ATP8A2: variants seen among roughly 807,000 people sequenced by gnomAD.
The protein encoded by ATP8A2 is ATPase phospholipid transporting 8A2.
Under a neutral mutation model 165.6 loss-of-function variants are expected in ATP8A2, and 100 were observed. That is an observed-to-expected ratio of 0.60 (90% CI 0.51 to 0.71). The LOEUF is 0.71. Ranked by LOEUF, ATP8A2 falls within the 30% of genes least tolerant of loss-of-function variation. ATP8A2 has a pLI of 0.00. For missense variants in ATP8A2, 1,227 were observed against 1,479.5 expected (o/e 0.83, Z 2.80); for synonymous variants, 543 against 548.8 (o/e 0.99, Z 0.15).
intron 28 of ATP8A2, among the ~76,000 whole-genome samples, chr13:25,834,494 A>G (rs777154352): frequency 1.3e-5 from 2 of 152,234 alleles, no homozygotes; most frequent in African/African-American, 2.4e-5. Context: ...AACTGGAAAG[A>G]AAATGAATGT....
chr13:25,523,914 T>C (rs1457175911), intron 2 of ATP8A2, among the ~76,000 whole-genome samples: 1 of 152,104 alleles, frequency 6.6e-6, no homozygotes, highest in Non-Finnish European at 1.5e-5. Flanking sequence ...GTTTCATTTG[T>C]TCTTGTTTTT....
intron 33 of ATP8A2, among the ~76,000 whole-genome samples, chr13:25,929,127 C>T (rs1954693663): frequency 6.6e-6 from 1 of 152,222 alleles, no homozygotes; most frequent in Admixed American, 6.5e-5. Context: ...CCTACCACTT[C>T]CCACTGAGGA....
chr13:26,004,781 G>T (rs1956707601), intron 35 of ATP8A2, among the ~76,000 whole-genome samples: 1 of 151,898 alleles, frequency 6.6e-6, no homozygotes, highest in African/African-American at 2.4e-5. Context: ...TTTTGTTAAT[G>T]TAGTGTTTAT....
intron 33 of ATP8A2, among the ~76,000 whole-genome samples, chr13:25,872,495 C>G (rs1952705835): frequency 6.6e-6 from 1 of 152,200 alleles, no homozygotes; most frequent in Non-Finnish European, 1.5e-5. Context: ...ATTTTCCTAC[C>G]ATGCATCTAC....
In ATP8A2 at chr13:25,391,516, G is replaced by T. The variant is rs543057041; in HGVS notation, c.76+19228G>T. Among the ~76,000 whole-genome samples, 5 of 152,296 alleles carry T rather than the reference G, an allele frequency of 3.3e-5. No homozygotes were observed. In the South Asian group the frequency reaches 1.0e-3, roughly 32 times the overall value. ...CAAGAAGTTCTTAGGAATCTGCTGGGGGAAACAGCAAGAAAGGTGAAGCTA... is the reference window on the plus strand; with the variant it reads ...CAAGAAGTTCTTAGGAATCTGCTGGTGGAAACAGCAAGAAAGGTGAAGCTA... On this transcript the variant is annotated intron_variant, in intron 1 of 36. Coordinates refer to ENST00000381655, the MANE Select transcript of ATP8A2 (RefSeq NM_016529.6).
chr13:25,970,617 G>A (rs922889358), intron 35 of ATP8A2, among the ~76,000 whole-genome samples: 5 of 152,228 alleles, frequency 3.3e-5, no homozygotes, highest in African/African-American at 1.2e-4. Flanking sequence ...CTCTTCATCT[G>A]TCATAGAAGA....
chr13:25,580,590 A>G (rs1480501802), intron 22 of ATP8A2, among the ~76,000 whole-genome samples: 1 of 152,080 alleles, frequency 6.6e-6, no homozygotes, highest in Non-Finnish European at 1.5e-5. Flanking sequence ...CTAGAATGTA[A>G]TGGTGCAGCC....
chr13:25,598,901 A>G (rs1368122918), intron 24 of ATP8A2, among the ~76,000 whole-genome samples: 10 of 152,176 alleles, frequency 6.6e-5, no homozygotes, highest in Admixed American at 6.5e-4. Context: ...AGTTTACTCT[A>G]GAACTACTGC....
At chr13:25,651,485 G>A (rs77285411) in intron 24 of ATP8A2, among the ~76,000 whole-genome samples, 5,251 of 151,946 alleles carry the variant, frequency 0.035, 157 homozygotes, top group East Asian at 0.13. Context: ...TAGAAGTCAG[G>A]CTGTTATAGT....
At chr13:25,413,912 A>T (rs1015600060) in intron 1 of ATP8A2, among the ~76,000 whole-genome samples, 1 of 151,568 alleles carries the variant, frequency 6.6e-6, no homozygotes, top group Admixed American at 6.6e-5. Context: ...TCATTTTTCC[A>T]TGGATTGACT....
intron 2 of ATP8A2, among the ~76,000 whole-genome samples, chr13:25,492,163 TCTC>T (rs2036547205): frequency 6.6e-6 from 1 of 152,198 alleles, no homozygotes. Context: ...TTCAAGCAAT[TCTC>T]CTGCCTCAGC....
At chr13:25,431,149 T>TTATC (rs2034599904) in intron 1 of ATP8A2, among the ~76,000 whole-genome samples, 1 of 151,048 alleles carries the variant, frequency 6.6e-6, no homozygotes, top group South Asian at 2.1e-4. Context: ...AGATTTTATT[T>TTATC]TATTTGTTTA....
intron 26 of ATP8A2, among the ~76,000 whole-genome samples, chr13:25,771,689 C>G (rs1311155401): frequency 6.6e-6 from 1 of 152,204 alleles, no homozygotes; most frequent in Non-Finnish European, 1.5e-5. Context: ...GGAACTGATG[C>G]AGCCCACATG....
At chr13:25,683,704 T>A (rs78459490) in intron 24 of ATP8A2, among the ~76,000 whole-genome samples, 21 of 152,022 alleles carry the variant, frequency 1.4e-4, no homozygotes, top group African/African-American at 4.8e-4. Flanking sequence ...TTTTTTTTTT[T>A]ATTATGAGTC....
At chr13:25,489,313 G>A (rs972427793) in intron 2 of ATP8A2, among the ~76,000 whole-genome samples, 3 of 152,018 alleles carry the variant, frequency 2.0e-5, no homozygotes, top group African/African-American at 7.2e-5. Flanking sequence ...ACTTTCCCTG[G>A]AACACTGTCT....
chr13:25,899,554 A>G (rs1485489437), intron 33 of ATP8A2, among the ~76,000 whole-genome samples: 3 of 152,202 alleles, frequency 2.0e-5, no homozygotes, highest in Non-Finnish European at 2.9e-5. Context: ...GAGGGCCACT[A>G]TCTCGACTGA....
At position 25,515,380 on chromosome 13, in the gene ATP8A2, T is replaced by G. The variant is rs78344044; in HGVS notation, c.222-14619T>G. Among the ~76,000 whole-genome samples the G allele has an allele frequency of 1.8e-3, 278 of 152,372 alleles. 2 individuals are homozygous for G. Among genetic ancestry groups the G allele is most frequent in the African/African-American group, 6.3e-3 (261 of 41,584 alleles). On this transcript the variant is annotated intron_variant, in intron 2 of 36. Transcript: ENST00000381655. The stretch of plus-strand genomic sequence containing the variant: ...CTCTTATTACAACTGCATTATTATT[T>G]TAAAAATGGATTGACATATCTTCTG...
chr13:25,560,007 T>C (rs1398710366), intron 15 of ATP8A2, among the ~76,000 whole-genome samples: 2 of 152,092 alleles, frequency 1.3e-5, no homozygotes, highest in South Asian at 4.1e-4. Context: ...TTGTAATTTT[T>C]TGTAGAGATG....
chr13:25,408,137 G>A (rs1166797990), intron 1 of ATP8A2, among the ~76,000 whole-genome samples: 5 of 151,984 alleles, frequency 3.3e-5, no homozygotes, highest in East Asian at 1.9e-4. Flanking sequence ...GCTCATGCCT[G>A]TAATCCCAGC....
Sources: allele counts gnomAD v4.1 joint callset (sites outside exome capture counted in the v4.1 genomes callset), GRCh38; gene constraint gnomAD v4.1.1; transcripts MANE v1.5; gene names NCBI Gene and HGNC (gene_info 2026-07-23, HGNC 2026-07-21).